Variants in PRTFDC1 observed in about 807,000 individuals in gnomAD.
PRTFDC1 encodes the protein phosphoribosyltransferase domain-containing protein 1.
In PRTFDC1, 38 loss-of-function variants were observed where a neutral mutation model predicts 34.6. The observed-to-expected ratio is 1.10, with a 90% confidence interval of 0.85 to 1.44. The LOEUF is 1.44. Ranked by LOEUF, PRTFDC1 falls within the 40% of genes most tolerant of loss-of-function variation. The probability of loss-of-function intolerance (pLI) is 0.00; values close to 1 mark genes in which losing one functional copy is unlikely to be tolerated. For missense variants in PRTFDC1, 270 were observed against 283.0 expected (o/e 0.95, Z 0.33); for synonymous variants, 93 against 98.1 (o/e 0.95, Z 0.31).
At chr10:24,873,958 A>G (rs890134918) in intron 3 of PRTFDC1, among the ~76,000 whole-genome samples, 2 of 148,356 alleles carry the variant, frequency 1.3e-5, no homozygotes, top group South Asian at 4.3e-4. Flanking sequence ...CCTAGCCTGG[A>G]GAGCAGTGGT....
intron 2 of PRTFDC1, among the ~76,000 whole-genome samples, chr10:24,941,952 C>T (rs1254537760): frequency 6.6e-6 from 1 of 152,148 alleles, no homozygotes; most frequent in Non-Finnish European, 1.5e-5. Context: ...GATTTGTCAA[C>T]TGAGAGACAA....
intron 5 of PRTFDC1, among the ~76,000 whole-genome samples, chr10:24,857,730 T>A (rs73606580): frequency 1.0e-3 from 159 of 151,980 alleles, no homozygotes; most frequent in African/African-American, 3.8e-3. Context: ...ACACAGGCAA[T>A]TGTGTAACAA....
chr10:24,932,069 A>G (rs140518528), intron 3 of PRTFDC1, among the ~76,000 whole-genome samples: 206 of 152,118 alleles, frequency 1.4e-3, no homozygotes, highest in African/African-American at 4.7e-3. Flanking sequence ...TAGCAAACCA[A>G]TCAATGTATT....
intron 7 of PRTFDC1, among the ~76,000 whole-genome samples, chr10:24,851,753 T>C (rs1048230065): frequency 6.6e-6 from 1 of 151,746 alleles, no homozygotes; most frequent in Non-Finnish European, 1.5e-5. Flanking sequence ...ACAAGAAATA[T>C]GCATAATTGA....
intron 3 of PRTFDC1, among the ~76,000 whole-genome samples, chr10:24,881,917 G>T (rs1848084945): frequency 6.6e-6 from 1 of 151,788 alleles, no homozygotes; most frequent in African/African-American, 2.4e-5. Context: ...TTTCTTCAAG[G>T]CTCAGTTTGC....
At chr10:24,904,595 G>T (rs565007882) in intron 3 of PRTFDC1, among the ~76,000 whole-genome samples, 19 of 152,250 alleles carry the variant, frequency 1.2e-4, no homozygotes, top group African/African-American at 4.1e-4. Context: ...CCACCTCTTG[G>T]ATCACCTGGC....
rs1215376375 is a variant in PRTFDC1 at position 24,849,781 on chromosome 10, G to A, written c.*63C>T. 74 of 1,528,308 alleles carry A rather than the reference G, an allele frequency of 4.8e-5. No homozygotes were observed. The South Asian group carries it at 8.1e-4, about 17-fold the overall frequency. 94.7% of individuals were successfully genotyped at this position (1,528,308 alleles called of 1,614,324 possible). ...CCTGGGGGGACAAACTTGACAGCTG[G>A]CTTCCCAAGTACAGGCGTAAATATG... On this transcript the variant is annotated 3_prime_UTR_variant, in exon 9 of 9. Transcript: ENST00000320152.
intron 7 of PRTFDC1, among the ~76,000 whole-genome samples, chr10:24,851,797 A>T (rs938719965): frequency 1.3e-5 from 2 of 151,832 alleles, no homozygotes; most frequent in African/African-American, 4.8e-5. Flanking sequence ...AGCAAGCAGT[A>T]TGCAGTGATA....
intron 3 of PRTFDC1, among the ~76,000 whole-genome samples, chr10:24,919,866 GA>G (rs1252286729): frequency 6.6e-6 from 1 of 151,492 alleles, no homozygotes; most frequent in Non-Finnish European, 1.5e-5. Context: ...CAACAAACAT[GA>G]AAAAAAACTC....
chr10:24,881,068 C>G (rs1848073276), intron 3 of PRTFDC1, among the ~76,000 whole-genome samples: 1 of 139,720 alleles, frequency 7.2e-6, no homozygotes, highest in African/African-American at 2.7e-5. Flanking sequence ...TTCCTTCCTT[C>G]CTTCTTTCTT....
intron 3 of PRTFDC1, among the ~76,000 whole-genome samples, chr10:24,883,087 C>T (rs1270747177): frequency 6.8e-6 from 1 of 147,436 alleles, no homozygotes; most frequent in Non-Finnish European, 1.5e-5. Flanking sequence ...TATATAAACA[C>T]ATAGAATATA....
At chr10:24,922,959 A>G (rs867464818) in intron 3 of PRTFDC1, among the ~76,000 whole-genome samples, 8 of 152,290 alleles carry the variant, frequency 5.3e-5, no homozygotes, top group African/African-American at 1.9e-4. Flanking sequence ...CACTTTTCCC[A>G]CAGTCTTAGC....
intron 4 of PRTFDC1, among the ~76,000 whole-genome samples, chr10:24,859,081 C>T (rs11014268): frequency 1.3e-5 from 2 of 152,044 alleles, no homozygotes; most frequent in Non-Finnish European, 2.9e-5. Context: ...TCTCAGTGCT[C>T]GAGGCGGGGC....
intron 3 of PRTFDC1, chr10:24,908,513 T>A (rs746643601): frequency 6.2e-7 from 1 of 1,612,518 alleles, no homozygotes; most frequent in Non-Finnish European, 8.5e-7. Context: ...CTAATTCTGC[T>A]CTGATCTTGG....
At chr10:24,892,537 A>G (rs1179705232) in intron 3 of PRTFDC1, among the ~76,000 whole-genome samples, 2 of 152,048 alleles carry the variant, frequency 1.3e-5, no homozygotes, top group Non-Finnish European at 2.9e-5. Context: ...GACCATTCGT[A>G]TACGAGTGAC....
chr10:24,916,279 C>A (rs1848694473), intron 3 of PRTFDC1, among the ~76,000 whole-genome samples: 2 of 152,202 alleles, frequency 1.3e-5, no homozygotes, highest in African/African-American at 2.4e-5. Context: ...ACTGCAATAT[C>A]TTTTCAGCCA....
intron 7 of PRTFDC1, among the ~76,000 whole-genome samples, chr10:24,851,778 G>C (rs1444340237): frequency 6.6e-6 from 1 of 151,780 alleles, no homozygotes; most frequent in African/African-American, 2.4e-5. Flanking sequence ...CGTGGCCCTG[G>C]TGTTCTAAAG....
At position 24,881,041 on chromosome 10, in the gene PRTFDC1, T is replaced by C. The variant is rs1278220567; in HGVS notation, c.340-8978A>G. Among the ~76,000 whole-genome samples the C allele has an allele frequency of 2.0e-5, 3 of 147,756 alleles. No individual in the cohort carries two copies. The Admixed American group carries it at 2.0e-4, about 10-fold the overall frequency. ...TCTTTCTCTCTCTCTATCTCTTTCT[T>C]TCTTTCTTTCTTTTCTTTCCTTCCT... On this transcript the variant is annotated intron_variant, in intron 3 of 8. Transcript: ENST00000320152.
In PRTFDC1 at chr10:24,848,763, C is replaced by T. The variant is rs1847431778; in HGVS notation, c.*1081G>A. ...TGTAGGAAGTGAGAAAAAAACAGCTCTATTGGGACTCAAGTTTATTTTCAA... is the reference window on the plus strand; with the variant it reads ...TGTAGGAAGTGAGAAAAAAACAGCTTTATTGGGACTCAAGTTTATTTTCAA... On this transcript the variant is annotated 3_prime_UTR_variant, in exon 9 of 9. Coordinates refer to ENST00000320152, the MANE Select transcript of PRTFDC1 (RefSeq NM_020200.7). The T allele has an allele frequency of 6.6e-6, 1 of 152,076 alleles. No individual in the cohort carries two copies. Among genetic ancestry groups the T allele is most frequent in the Non-Finnish European group, 1.5e-5 (1 of 68,018 alleles). The allele number at this position is 152,076 out of a possible 1,614,324, so 9.4% of individuals were successfully genotyped here. A position where few individuals can be genotyped will look rare whatever the true frequency, so the allele number is the denominator to read the frequency against.
Sources: allele counts gnomAD v4.1 joint callset (sites outside exome capture counted in the v4.1 genomes callset), GRCh38; gene constraint gnomAD v4.1.1; transcripts MANE v1.5; gene names NCBI Gene and HGNC (gene_info 2026-07-23, HGNC 2026-07-21).